ARPP21: variants seen among roughly 807,000 people sequenced by gnomAD.
ARPP21 encodes cAMP regulated phosphoprotein 21, also known as cAMP-regulated phosphoprotein 21.
Under a neutral mutation model 113.2 loss-of-function variants are expected in ARPP21, and 69 were observed. The observed-to-expected ratio is 0.61, with a 90% CI of 0.50 to 0.74. The LOEUF (loss-of-function observed/expected upper bound fraction) is 0.74. Ranked by LOEUF, ARPP21 falls within the 30% of genes least tolerant of loss-of-function variation. ARPP21 has a pLI of 0.00. For missense variants in ARPP21, 1,070 were observed against 1,037.4 expected, an observed-to-expected ratio of 1.03 and a Z score of -0.43; for synonymous variants, 368 against 375.5, an observed-to-expected ratio of 0.98 and a Z score of 0.23.
chr3:35,751,918 C>A lies in ARPP21; in HGVS notation c.2137+7953C>A, dbSNP rs796081778. 2.0e-5 allele frequency among the ~76,000 whole-genome samples: 3 copies of A among 152,068 alleles called. No individual in the cohort carries two copies. In the South Asian group the frequency reaches 6.2e-4, roughly 32 times the overall value. ...ACCTGCAAGTTGTAAAGAGAGCACA[C>A]AAATAAGAGGAAACAGTATCTCAAT... On this transcript the variant is annotated intron_variant, in intron 19 of 20. Coordinates refer to ENST00000684406, the MANE Select transcript of ARPP21 (RefSeq NM_001385562.1).
chr3:35,723,463 C>A (rs994885481), intron 14 of ARPP21, among the ~76,000 whole-genome samples: 1 of 152,122 alleles, frequency 6.6e-6, no homozygotes, highest in Non-Finnish European at 1.5e-5. Context: ...TTGGTGAGTT[C>A]TTGATTTCTT....
At position 35,709,799 on chromosome 3, in the gene ARPP21, A is replaced by G. The variant is rs576137546; in HGVS notation, c.897+729A>G. Reference sequence around the variant, plus strand: ...ATGCAATCATTTAGCAGCCTCCTCAAATGATGTGGGTTCTTCCCCCTGCGT... The same window carrying G: ...ATGCAATCATTTAGCAGCCTCCTCAGATGATGTGGGTTCTTCCCCCTGCGT... On this transcript the variant is annotated intron_variant, in intron 11 of 20. Coordinates refer to ENST00000684406, the MANE Select transcript of ARPP21 (RefSeq NM_001385562.1). Among the ~76,000 whole-genome samples the G allele has an allele frequency of 3.2e-4, 49 of 152,356 alleles. 1 individual carries two copies. The South Asian group carries it at 0.01, about 32-fold the overall frequency.
At chr3:35,747,961 A>AAGAAAGAG (rs774309673) in intron 19 of ARPP21, among the ~76,000 whole-genome samples, 69 of 147,612 alleles carry the variant, frequency 4.7e-4, no homozygotes, top group Non-Finnish European at 7.9e-4. Context: ...GAAAGAAAGA[A>AAGAAAGAG]AGAGAGAGAG....
chr3:35,749,913 A>G (rs2151045400), intron 19 of ARPP21, among the ~76,000 whole-genome samples: 1 of 152,042 alleles, frequency 6.6e-6, no homozygotes, highest in South Asian at 2.1e-4. Flanking sequence ...ATCCTGTTTC[A>G]TTCCTGGTAT....
At chr3:35,746,401 G>A (rs2095051626) in intron 19 of ARPP21, among the ~76,000 whole-genome samples, 1 of 152,192 alleles carries the variant, frequency 6.6e-6, no homozygotes, top group African/African-American at 2.4e-5. Context: ...TCATTTGTGA[G>A]AGCAACTCTA....
intron 19 of ARPP21, among the ~76,000 whole-genome samples, chr3:35,757,678 C>A (rs1321248611): frequency 6.6e-6 from 1 of 151,944 alleles, no homozygotes; most frequent in Non-Finnish European, 1.5e-5. Flanking sequence ...TTGAAAAGAC[C>A]TCAAAACTTT....
intron 1 of ARPP21, among the ~76,000 whole-genome samples, chr3:35,672,964 T>C (rs866401923): frequency 7.9e-5 from 12 of 152,060 alleles, no homozygotes; most frequent in African/African-American, 2.9e-4. Context: ...GTTGTAATGA[T>C]ATATGTAATA....
intron 1 of ARPP21, among the ~76,000 whole-genome samples, chr3:35,661,580 A>G (rs1176752171): frequency 7.2e-5 from 11 of 152,228 alleles, no homozygotes; most frequent in Non-Finnish European, 1.3e-4. Context: ...AATACAGCAT[A>G]AAGAAATCAG....
At chr3:35,756,198 A>G (rs1039742495) in intron 19 of ARPP21, among the ~76,000 whole-genome samples, 5 of 152,076 alleles carry the variant, frequency 3.3e-5, no homozygotes, top group African/African-American at 1.2e-4. Flanking sequence ...CATAAATGTA[A>G]TGGTTCCACA....
chr3:35,760,379 C>T (rs1018844818), intron 19 of ARPP21, among the ~76,000 whole-genome samples: 3 of 152,018 alleles, frequency 2.0e-5, no homozygotes, highest in African/African-American at 4.8e-5. Flanking sequence ...AGCACTTGTA[C>T]GATGACAACT....
chr3:35,649,495 G>A (rs1220857896), intron 1 of ARPP21, among the ~76,000 whole-genome samples: 3 of 152,100 alleles, frequency 2.0e-5, no homozygotes, highest in Admixed American at 6.5e-5. Context: ...GCAAAAGCAC[G>A]TTTACAAATA....
At chr3:35,731,410 T>A (rs923260668) in intron 15 of ARPP21, among the ~76,000 whole-genome samples, 2 of 152,208 alleles carry the variant, frequency 1.3e-5, no homozygotes, top group Non-Finnish European at 2.9e-5. Flanking sequence ...TTAATAACAC[T>A]GTTGAACAGC....
chr3:35,710,802 A>G (rs1356981799), intron 11 of ARPP21, among the ~76,000 whole-genome samples: 1 of 152,142 alleles, frequency 6.6e-6, no homozygotes, highest in Non-Finnish European at 1.5e-5. Context: ...TCATTTGCCA[A>G]TTCTCATGGA....
intron 1 of ARPP21, among the ~76,000 whole-genome samples, chr3:35,675,932 G>T (rs1411527426): frequency 6.6e-6 from 1 of 151,834 alleles, no homozygotes; most frequent in African/African-American, 2.4e-5. Flanking sequence ...CAATATGTCA[G>T]AGGAAATTTT....
chr3:35,707,758 C>T (rs187267185), intron 10 of ARPP21, among the ~76,000 whole-genome samples: 6 of 151,758 alleles, frequency 4.0e-5, no homozygotes, highest in South Asian at 2.1e-4. Flanking sequence ...TTGTGGTACC[C>T]GGACAGGAGC....
At chr3:35,666,891 A>G (rs1169935785) in intron 1 of ARPP21, among the ~76,000 whole-genome samples, 1 of 152,180 alleles carries the variant, frequency 6.6e-6, no homozygotes, top group South Asian at 2.1e-4. Context: ...TGCAACCTCA[A>G]CTATCCCCTG....
intron 3 of ARPP21, chr3:35,682,625 A>G (rs1383581411): frequency 2.4e-5 from 11 of 452,942 alleles, no homozygotes; most frequent in Non-Finnish European, 4.3e-5. Flanking sequence ...TAGTTGTTAT[A>G]AACAGAAAAG....
intron 14 of ARPP21, among the ~76,000 whole-genome samples, chr3:35,722,130 TAA>T (rs1489507873): frequency 8.5e-5 from 13 of 152,218 alleles, no homozygotes; most frequent in Non-Finnish European, 1.6e-4. Flanking sequence ...TTTAAGCACT[TAA>T]GTTTACTTAT....
chr3:35,685,325 A>G lies in ARPP21; in HGVS notation c.261+1510A>G, dbSNP rs183021656. 3.8e-3 allele frequency: 3,787 copies of G among 985,326 alleles called. 13 individuals are homozygous for G. The highest frequency in any genetic ancestry group is 4.3e-3 in the Non-Finnish European group (3,537 of 829,654). The allele number at this position is 985,326 out of a possible 1,614,324, so 61.0% of individuals were successfully genotyped here. The stretch of plus-strand genomic sequence containing the variant: ...GGTTCCAAGCTCAGAAACCAAGACT[A>G]GCTTTGTAGGAGAGAATGAGAGCCT... On this transcript the variant is annotated intron_variant, in intron 5 of 20. Transcript: ENST00000684406.
Sources: gnomAD v4.1 joint callset for allele counts (sites outside exome capture counted in the v4.1 genomes callset) on GRCh38, gnomAD v4.1.1 for gene constraint, MANE v1.5 for transcripts, NCBI Gene and HGNC (gene_info 2026-07-23, HGNC 2026-07-21) for gene names.